The following STK33 variants were observed in gnomAD, a reference collection of about 807,000 sequenced individuals.
STK33 encodes the protein serine/threonine-protein kinase 33.
STK33 carries 52 observed loss-of-function variants against 58.0 expected under a neutral mutation model. The ratio of observed to expected loss-of-function variants is 0.90; its 90% confidence interval spans 0.72 to 1.13. The LOEUF (loss-of-function observed/expected upper bound fraction) is 1.13. Ranked by LOEUF, STK33 falls within the 50% of genes most tolerant of loss-of-function variation. The pLI is 0.00. For synonymous variants in STK33, 215 were observed against 200.1 expected, an observed-to-expected ratio of 1.07 and a Z score of -0.63; for missense variants, 630 against 604.2, an observed-to-expected ratio of 1.04 and a Z score of -0.45.
intron 1 of STK33, among the ~76,000 whole-genome samples, chr11:8,541,411 C>T (rs144794323): frequency 2.4e-3 from 364 of 152,242 alleles, no homozygotes; most frequent in Middle Eastern, 0.01. Context: ...TTTCATTTCA[C>T]CCAGACCACG....
intron 1 of STK33, among the ~76,000 whole-genome samples, chr11:8,583,722 TAA>T (rs1306384559): frequency 6.6e-6 from 1 of 152,150 alleles, no homozygotes; most frequent in East Asian, 1.9e-4. Flanking sequence ...TCCTCTGAAA[TAA>T]GTTACTTTTA....
chr11:8,431,464 G>A (rs540645977), intron 14 of STK33, among the ~76,000 whole-genome samples: 6 of 152,172 alleles, frequency 3.9e-5, no homozygotes, highest in African/African-American at 1.4e-4. Flanking sequence ...AGGAAAGACC[G>A]TTCTGAAATT....
intron 1 of STK33, among the ~76,000 whole-genome samples, chr11:8,578,871 G>A (rs1221607820): frequency 6.6e-6 from 1 of 151,976 alleles, no homozygotes; most frequent in Non-Finnish European, 1.5e-5. Context: ...AACCAGTGGT[G>A]TGTAACCTTA....
At chr11:8,532,620 T>C (rs140796401) in intron 1 of STK33, among the ~76,000 whole-genome samples, 186 of 152,370 alleles carry the variant, frequency 1.2e-3, no homozygotes, top group Non-Finnish European at 2.1e-3. Context: ...ATAGTTTTCA[T>C]GGCACAGGCT....
chr11:8,351,897 G>T, the STK33 span, among the ~76,000 whole-genome samples: 3 of 152,212 alleles, frequency 2.0e-5, no homozygotes, highest in South Asian at 4.1e-4. Context: ...CCCAGGGGCC[G>T]TGCCTTCAGC....
At chr11:8,493,056 A>C (rs1465185292) in intron 1 of STK33, among the ~76,000 whole-genome samples, 2 of 152,228 alleles carry the variant, frequency 1.3e-5, no homozygotes, top group East Asian at 3.8e-4. Flanking sequence ...GCAAGAGCAA[A>C]CAAATTCAAT....
intron 1 of STK33, among the ~76,000 whole-genome samples, chr11:8,484,277 G>A (rs983552678): frequency 6.6e-6 from 1 of 152,156 alleles, no homozygotes; most frequent in Non-Finnish European, 1.5e-5. Context: ...GTCCTGATAT[G>A]TTTTAAGCTC....
intron 1 of STK33, among the ~76,000 whole-genome samples, chr11:8,526,681 A>G (rs1954053350): frequency 6.6e-6 from 1 of 152,124 alleles, no homozygotes; most frequent in South Asian, 2.1e-4. Context: ...ATGTTTGAAA[A>G]CAACTAGTTA....
At position 8,416,875 on chromosome 11, in the gene STK33, T is replaced by A. The variant is rs562953836; in HGVS notation, c.1147-3183A>T. Among the ~76,000 whole-genome samples, 8 of 152,262 alleles carry A rather than the reference T, an allele frequency of 5.3e-5. No individual in the cohort carries two copies. The South Asian group carries it at 8.3e-4, about 16-fold the overall frequency. On this transcript the variant is annotated intron_variant, in intron 14 of 15. Coordinates refer to ENST00000687296, the MANE Select transcript of STK33 (RefSeq NM_001352389.2). ...CAAGCCTGGACTAGGTGGTATAGAGTCCAGGCTTTGCCTGTTGTCTAATGT... is the reference window on the plus strand; with the variant it reads ...CAAGCCTGGACTAGGTGGTATAGAGACCAGGCTTTGCCTGTTGTCTAATGT...
the STK33 span, among the ~76,000 whole-genome samples, chr11:8,367,578 G>T: frequency 7.8e-3 from 1,181 of 152,332 alleles, 11 homozygotes; most frequent in African/African-American, 0.02. Context: ...CAAATAAATG[G>T]AGTAGTAGAG....
chr11:8,560,697 A>G (rs924488313), intron 1 of STK33, among the ~76,000 whole-genome samples: 5 of 152,202 alleles, frequency 3.3e-5, no homozygotes, highest in Non-Finnish European at 7.4e-5. Flanking sequence ...AACAATTGGT[A>G]ATTTTTACTG....
At chr11:8,520,137 T>C (rs1469256519) in intron 1 of STK33, among the ~76,000 whole-genome samples, 1 of 152,178 alleles carries the variant, frequency 6.6e-6, no homozygotes, top group Non-Finnish European at 1.5e-5. Context: ...TCAAAAAGCT[T>C]ATCCACCATG....
chr11:8,481,978 T>A (rs1949842079), intron 1 of STK33, among the ~76,000 whole-genome samples: 2 of 152,196 alleles, frequency 1.3e-5, no homozygotes, highest in Non-Finnish European at 2.9e-5. Context: ...AATAACTGGT[T>A]TGTTTTTCTT....
At chr11:8,586,010 G>A (rs1040649409) in intron 1 of STK33, among the ~76,000 whole-genome samples, 9 of 151,948 alleles carry the variant, frequency 5.9e-5, no homozygotes, top group East Asian at 1.9e-4. Context: ...CCAAGATTGC[G>A]CCACTGTACT....
intron 1 of STK33, among the ~76,000 whole-genome samples, chr11:8,542,805 G>A (rs1170060927): frequency 2.6e-5 from 4 of 152,048 alleles, no homozygotes; most frequent in African/African-American, 4.8e-5. Context: ...GCCTCCCCAG[G>A]CTCAAGAGAT....
chr11:8,537,525 T>C (rs77601130), intron 1 of STK33, among the ~76,000 whole-genome samples: 51 of 152,338 alleles, frequency 3.3e-4, no homozygotes, highest in Non-Finnish European at 6.5e-4. Context: ...GTTACTGACT[T>C]TTCTCAATCA....
chr11:8,397,528 A>C (rs1849573430), intron 15 of STK33, among the ~76,000 whole-genome samples: 1 of 152,200 alleles, frequency 6.6e-6, no homozygotes, highest in African/African-American at 2.4e-5. Context: ...AGAGCAGAAA[A>C]ACTGGAAACT....
At chr11:8,540,992 C>CTA (rs1554989773) in intron 1 of STK33, among the ~76,000 whole-genome samples, 4,515 of 137,488 alleles carry the variant, frequency 0.033, 101 homozygotes, top group African/African-American at 0.065. Context: ...CTCTCTCTCT[C>CTA]TCTATATATA....
chr11:8,504,180 C>G (rs767787087), intron 1 of STK33, among the ~76,000 whole-genome samples: 5 of 152,132 alleles, frequency 3.3e-5, no homozygotes, highest in Admixed American at 1.3e-4. Flanking sequence ...ATAAGCCTGT[C>G]AAAGCTGAAA....
Sources: gnomAD v4.1 joint callset for allele counts (sites outside exome capture counted in the v4.1 genomes callset) on GRCh38, gnomAD v4.1.1 for gene constraint, MANE v1.5 for transcripts, NCBI Gene and HGNC (gene_info 2026-07-23, HGNC 2026-07-21) for gene names.